TBC1D19: variants seen among roughly 807,000 people sequenced by gnomAD.
TBC1D19 encodes the protein TBC1 domain family, member 19.
Under a neutral mutation model 89.0 loss-of-function variants are expected in TBC1D19, and 60 were observed. The ratio of observed to expected loss-of-function variants is 0.67; its 90% CI spans 0.55 to 0.84. The LOEUF (loss-of-function observed/expected upper bound fraction) is 0.84. TBC1D19 is among the 40% of genes least tolerant of loss of function. The pLI, the probability that TBC1D19 is intolerant of heterozygous loss-of-function variation, is 0.00. For missense variants in TBC1D19, 500 were observed against 610.8 expected (o/e 0.82, Z 1.91); for synonymous variants, 189 against 199.7 (o/e 0.95, Z 0.45).
At chr4:26,840,377 C>A in the TBC1D19 span, among the ~76,000 whole-genome samples, 1 of 152,166 alleles carries the variant, frequency 6.6e-6, no homozygotes, top group Non-Finnish European at 1.5e-5. Context: ...CCACTGCACC[C>A]AGCCTCTAAT....
chr4:26,771,765 A>G, the TBC1D19 span, among the ~76,000 whole-genome samples: 6 of 152,316 alleles, frequency 3.9e-5, no homozygotes, highest in East Asian at 1.2e-3. Flanking sequence ...ACAATACTGT[A>G]TTATACACTT....
At chr4:26,793,182 G>A in the TBC1D19 span, among the ~76,000 whole-genome samples, 34 of 152,214 alleles carry the variant, frequency 2.2e-4, no homozygotes, top group African/African-American at 6.7e-4. Flanking sequence ...GATGCACCTG[G>A]GAAAGCCAGA....
At chr4:26,758,696 T>C (rs1039658822), downstream of TBC1D19, among the ~76,000 whole-genome samples, 1 of 152,242 alleles carries the variant, frequency 6.6e-6, no homozygotes, top group Non-Finnish European at 1.5e-5. Flanking sequence ...TTGGCCTTGT[T>C]GATCCCCAGA....
intron 2 of TBC1D19, 44 bp downstream of exon 2, chr4:26,613,285 G>T: frequency 8.1e-7 from 1 of 1,238,884 alleles, no homozygotes; most frequent in Non-Finnish European, 1.1e-6. Context: ...ATAAGAAAAT[G>T]TTTTATTTAT....
chr4:26,812,876 C>T, the TBC1D19 span, among the ~76,000 whole-genome samples: 170 of 151,692 alleles, frequency 1.1e-3, no homozygotes, highest in African/African-American at 4.0e-3. The surrounding 1 kb of genome is among the most constrained non-coding windows in gnomAD (Gnocchi z 4.2). Context: ...AAAGACTATA[C>T]AGGGACAACC....
At chr4:26,621,069 G>A (rs1302846146) in intron 4 of TBC1D19, among the ~76,000 whole-genome samples, 1 of 152,186 alleles carries the variant, frequency 6.6e-6, no homozygotes, top group African/African-American at 2.4e-5. Context: ...CAGTGTTATT[G>A]AAAGTGTATT....
At chr4:26,736,815 C>T (rs903884047) in intron 16 of TBC1D19, among the ~76,000 whole-genome samples, 26 of 152,274 alleles carry the variant, frequency 1.7e-4, no homozygotes, top group African/African-American at 4.6e-4. Context: ...CTGAGATACA[C>T]GTGGGTGATG....
the TBC1D19 span, among the ~76,000 whole-genome samples, chr4:26,805,803 C>T: frequency 2.6e-4 from 39 of 152,178 alleles, no homozygotes; most frequent in African/African-American, 8.9e-4. Flanking sequence ...CGAGACCAGC[C>T]TGGCCAACAT....
intron 13 of TBC1D19, among the ~76,000 whole-genome samples, chr4:26,716,448 G>T (rs1200958177): frequency 1.3e-5 from 2 of 152,076 alleles, no homozygotes; most frequent in East Asian, 1.9e-4. Flanking sequence ...GACCAGACAG[G>T]TGGTCCAGTT....
At chr4:26,654,138 A>T (rs1192011589) in intron 7 of TBC1D19, among the ~76,000 whole-genome samples, 2 of 152,150 alleles carry the variant, frequency 1.3e-5, no homozygotes, top group Non-Finnish European at 2.9e-5. Context: ...TACAAAGCTT[A>T]GTTTGTCTGG....
At chr4:26,638,388 T>C (rs969187421) in intron 5 of TBC1D19, among the ~76,000 whole-genome samples, 4 of 152,202 alleles carry the variant, frequency 2.6e-5, no homozygotes, top group African/African-American at 9.7e-5. Flanking sequence ...TATAGGAAGA[T>C]GATGCTACTG....
chr4:26,678,500 C>T (rs551548065), intron 11 of TBC1D19, among the ~76,000 whole-genome samples: 1 of 150,428 alleles, frequency 6.6e-6, no homozygotes, highest in South Asian at 2.1e-4. Context: ...AATAGTTATT[C>T]ATGCCTTTGC....
chr4:26,669,670 G>A (rs912980235), intron 9 of TBC1D19, among the ~76,000 whole-genome samples: 2 of 151,712 alleles, frequency 1.3e-5, no homozygotes, highest in Non-Finnish European at 3.0e-5. Context: ...GGGTAATAAA[G>A]CACTGTTATC....
chr4:26,624,361 T>G (rs1742252243), intron 4 of TBC1D19, among the ~76,000 whole-genome samples: 1 of 147,102 alleles, frequency 6.8e-6, no homozygotes, highest in African/African-American at 2.5e-5. Context: ...TGCAATTTAT[T>G]ATAGTAATTG....
intron 8 of TBC1D19, among the ~76,000 whole-genome samples, chr4:26,663,621 G>T (rs1364106460): frequency 1.3e-5 from 2 of 152,192 alleles, no homozygotes; most frequent in African/African-American, 4.8e-5. Flanking sequence ...AGCTATTGGA[G>T]AACCAAAAGC....
intron 1 of TBC1D19, 132 bp downstream of exon 1, chr4:26,584,424 G>GACAAAA (rs10535440): frequency 0.029 from 20,490 of 705,390 alleles, 535 homozygotes; most frequent in Middle Eastern, 0.044. Context: ...AAAACAAACA[G>GACAAAA]ACAAAAACAA....
chr4:26,617,808 A>G (rs1741791167), intron 3 of TBC1D19, among the ~76,000 whole-genome samples: 1 of 152,240 alleles, frequency 6.6e-6, no homozygotes, highest in Non-Finnish European at 1.5e-5. Flanking sequence ...AAAGAAGTAA[A>G]TAAACCTTAA....
At chr4:26,666,690 T>C (rs539778962) in intron 9 of TBC1D19, among the ~76,000 whole-genome samples, 1 of 152,142 alleles carries the variant, frequency 6.6e-6, no homozygotes, top group East Asian at 1.9e-4. Context: ...GGCAACATCC[T>C]TTCCTGGCCA....
intron 4 of TBC1D19, among the ~76,000 whole-genome samples, chr4:26,636,954 C>T (rs957656599): frequency 3.3e-5 from 5 of 151,862 alleles, no homozygotes; most frequent in Admixed American, 1.3e-4. Context: ...AAAATCTGTC[C>T]TCATTCCCAT....
Sources: gnomAD v4.1 joint callset for allele counts (sites outside exome capture counted in the v4.1 genomes callset) on GRCh38, gnomAD v4.1.1 for gene constraint, Gnocchi (gnomAD v3.1) non-coding constraint, MANE v1.5 for transcripts, NCBI Gene and HGNC (gene_info 2026-07-23, HGNC 2026-07-21) for gene names.